The following ASXL1 variants were observed in gnomAD, a reference collection of about 807,000 sequenced individuals.
ASXL1 encodes ASXL transcriptional regulator 1.
In ASXL1, 65 loss-of-function variants were observed where a neutral mutation model predicts 89.1. The observed-to-expected ratio is 0.73, with a 90% CI of 0.60 to 0.90. The LOEUF is 0.90. ASXL1 is among the 40% of genes least tolerant of loss of function. ASXL1 has a pLI of 0.00. For synonymous variants in ASXL1, 739 were observed against 746.9 expected (o/e 0.99, Z 0.17); for missense variants, 1,786 against 1,942.9 (o/e 0.92, Z 1.52).
intron 1 of ASXL1, among the ~76,000 whole-genome samples, chr20:32,364,530 T>A (rs2122796083): frequency 6.6e-6 from 1 of 152,338 alleles, no homozygotes; most frequent in African/African-American, 2.4e-5. Context: ...ATATATTTTT[T>A]AAATTCTTTA....
chr20:32,399,747 CTTTTTTTTTTTTTTTTTT>C (rs369127811), intron 4 of ASXL1, among the ~76,000 whole-genome samples: 2 of 73,876 alleles, frequency 2.7e-5, no homozygotes, highest in African/African-American at 6.8e-5. Context: ...ATATTTTACT[CTTTTTTTTTTTTTTTTTT>C]TTTTTTTTTT....
At chr20:32,422,968 G>A (rs1291516471) in intron 4 of ASXL1, among the ~76,000 whole-genome samples, 3 of 152,040 alleles carry the variant, frequency 2.0e-5, no homozygotes, top group Admixed American at 6.5e-5. Flanking sequence ...AATTATTCTT[G>A]TAAAATGTTA....
chr20:32,434,585 CGA>C lies in ASXL1; in HGVS notation c.1875_1876del (p.Ala627GlufsTer7). ...CATTAAAGCCCGTGCTCTGCAGGTCCGAGGGGCGAGAGGTCACCACTGCCATA... is the reference window on the plus strand; with the variant it reads ...CATTAAAGCCCGTGCTCTGCAGGTCCGGGGCGAGAGGTCACCACTGCCATA... ...ADIKARALQV[R>X]GARGHHCHRE... On this transcript the variant is annotated frameshift_variant, in exon 13 of 13. Coordinates refer to ENST00000375687, the MANE Select transcript of ASXL1 (RefSeq NM_015338.6). LOFTEE classifies it low-confidence loss of function (END_TRUNC). The C allele has an allele frequency of 6.2e-7, 1 of 1,613,192 alleles. No individual in the cohort carries two copies. Among genetic ancestry groups the C allele is most frequent in the Non-Finnish European group, 8.5e-7 (1 of 1,179,948 alleles).
chr20:32,422,831 C>T (rs1040954347), intron 4 of ASXL1, among the ~76,000 whole-genome samples: 4 of 151,630 alleles, frequency 2.6e-5, no homozygotes, highest in Non-Finnish European at 5.9e-5. Flanking sequence ...GTGATCCACC[C>T]GCCTTGGCCT....
At chr20:32,430,285 C>A in intron 8 of ASXL1, 1 of 585,258 alleles carries the variant, frequency 1.7e-6, no homozygotes, top group Admixed American at 3.5e-5. Context: ...CTCGTATGTC[C>A]CTGTAGGCCT....
intron 4 of ASXL1, among the ~76,000 whole-genome samples, chr20:32,409,747 A>G (rs763987982): frequency 3.3e-5 from 5 of 152,032 alleles, no homozygotes; most frequent in African/African-American, 7.3e-5. Context: ...TGAGATCCCT[A>G]TCTTTAAAAA....
rs2048656171 is a variant in ASXL1, at chr20:32,390,718, AC to A, written c.252+21600del. Among the ~76,000 whole-genome samples the A allele has an allele frequency of 2.6e-5, 4 of 151,214 alleles. No homozygotes were observed. The South Asian group carries it at 8.4e-4, about 32-fold the overall frequency. On this transcript the variant is annotated intron_variant, in intron 4 of 12. Transcript: ENST00000375687. ...CCTTTTGTAGTCAGCTTCTTTTTTC[AC>A]CCCCAGCTCCTGGTGACCACTGATT...
At chr20:32,431,114 A>C (rs2011499054) in intron 8 of ASXL1, 1 of 712,854 alleles carries the variant, frequency 1.4e-6, no homozygotes, top group African/African-American at 1.7e-5. Flanking sequence ...GTCTGAGGAG[A>C]TGCAACCCCA....
At chr20:32,375,674 TTTTTG>T (rs1555901932) in intron 4 of ASXL1, among the ~76,000 whole-genome samples, 1 of 151,660 alleles carries the variant, frequency 6.6e-6, no homozygotes, top group African/African-American at 2.4e-5. Flanking sequence ...TAGTTTGTTT[TTTTTG>T]TTTTGTTTTG....
In ASXL1 at chr20:32,428,222, C is replaced by CTGTGGGT; in HGVS notation, c.347_348insTGTGGGT (p.Ser117ValfsTer8). 1 of 1,614,156 alleles carries CTGTGGGT rather than the reference C, an allele frequency of 6.2e-7. No homozygotes were observed. Among genetic ancestry groups the CTGTGGGT allele is most frequent in the Non-Finnish European group, 8.5e-7 (1 of 1,180,030 alleles). The stretch of plus-strand genomic sequence containing the variant: ...GTGGAGAGCTGTGGGTCTAATGAAG[C>CTGTGGGT]CAGCACTGTGAGTGGTGAAAACGAT... On this transcript the variant is annotated frameshift_variant, in exon 5 of 13. Coordinates refer to ENST00000375687, the MANE Select transcript of ASXL1 (RefSeq NM_015338.6). LOFTEE classifies it high-confidence loss of function.
Position 32,436,126 on chromosome 20 carries a change from T to A in ASXL1, c.3414T>A (p.Leu1138=), listed in dbSNP as rs2011845158. ...DSMSESPQVP[L]TKDQSHGSLR... ...TGTCAGAATCCCCACAAGTACCACTTACAAAAGACCAGAGCCATGGCTCGC... is the reference window on the plus strand; with the variant it reads ...TGTCAGAATCCCCACAAGTACCACTAACAAAAGACCAGAGCCATGGCTCGC... Residue 1138 remains leucine, a synonymous_variant, in exon 13 of 13, where the codon CTT becomes CTA. Coordinates refer to ENST00000375687, the MANE Select transcript of ASXL1 (RefSeq NM_015338.6). 6.2e-7 allele frequency: 1 copy of A among 1,614,150 alleles called. No homozygotes were observed. Among genetic ancestry groups the A allele is most frequent in the Non-Finnish European group, 8.5e-7 (1 of 1,180,022 alleles).
chr20:32,415,910 G>C (rs976931396), intron 4 of ASXL1, among the ~76,000 whole-genome samples: 3 of 151,712 alleles, frequency 2.0e-5, no homozygotes, highest in African/African-American at 7.3e-5. Context: ...TTAAACAAAA[G>C]AAAAGAAAAA....
chr20:32,400,291 A>G (rs750761815), intron 4 of ASXL1, among the ~76,000 whole-genome samples: 5 of 152,066 alleles, frequency 3.3e-5, no homozygotes, highest in Non-Finnish European at 7.4e-5. Flanking sequence ...GATTTCAGAC[A>G]TAGAGAGTTT....
Position 32,435,249 on chromosome 20 carries a change from G to A in ASXL1, c.2537G>A (p.Ser846Asn), listed in dbSNP as rs148575778. The A allele has an allele frequency of 1.1e-4, 175 of 1,614,102 alleles. 1 individual carries two copies. Among genetic ancestry groups the A allele is most frequent in the Admixed American group, 9.3e-4 (56 of 60,022 alleles). The change falls in exon 13 of 13, where the codon AGT becomes AAT. Residue 846 changes from serine (S) to asparagine (N), a missense_variant. By Grantham distance (46) the Ser-to-Asn change is conservative. Around this residue, in one of 3 missense-constraint regions of ASXL1, gnomAD observed 1,418 missense variants for 1,427.8 expected, o/e 0.99. Transcript: ENST00000375687. Reference protein sequence around the residue: ...TMKDPVNVTPSSTPESSPTDC... With the variant: ...TMKDPVNVTPNSTPESSPTDC... ...AAGGATCCTGTAAATGTGACCCCCA[G>A]TTCCACACCTGAATCCTCACCGACT...
chr20:32,398,760 C>T (rs2048815795), intron 4 of ASXL1, among the ~76,000 whole-genome samples: 1 of 151,330 alleles, frequency 6.6e-6, no homozygotes, highest in African/African-American at 2.4e-5. Context: ...CAGGCGCCCG[C>T]CACTACGCCC....
chr20:32,377,988 G>GTGTGTGTGTGTGTGTGTA (rs1480059687), intron 4 of ASXL1, among the ~76,000 whole-genome samples: 3 of 148,274 alleles, frequency 2.0e-5, no homozygotes, highest in Non-Finnish European at 1.5e-5. Context: ...GTGTGTGTGT[G>GTGTGTGTGTGTGTGTGTA]TGTGTGTGTG....
In ASXL1 at chr20:32,436,512, C is replaced by A. The variant is rs368889231; in HGVS notation, c.3800C>A (p.Thr1267Asn). 4.0e-5 allele frequency: 64 copies of A among 1,614,144 alleles called. No individual in the cohort carries two copies. Among genetic ancestry groups the A allele is most frequent in the Non-Finnish European group, 5.1e-5 (60 of 1,180,056 alleles). ...CCAGGAAAGAGCCCAGGAGATCTTA[C>A]TACCTCGAGAACACCTCGTTTCTCA... Reference protein sequence around the residue: ...AAPGKSPGDLTTSRTPRFSSP... With the variant: ...AAPGKSPGDLNTSRTPRFSSP... The change falls in exon 13 of 13, where the codon ACT becomes AAT. Residue 1267 changes from threonine to asparagine, a missense_variant. Physicochemically the swap from Thr to Asn is moderately conservative, Grantham distance 65 (BLOSUM62 0). Coordinates refer to ENST00000375687, the MANE Select transcript of ASXL1 (RefSeq NM_015338.6).
intron 4 of ASXL1, among the ~76,000 whole-genome samples, chr20:32,418,267 G>A (rs774861848): frequency 4.2e-4 from 64 of 152,210 alleles, no homozygotes; most frequent in Non-Finnish European, 6.8e-4. Flanking sequence ...AGCTACTTGA[G>A]AGGCTGAGGT....
chr20:32,392,326 A>G (rs1211248108), intron 4 of ASXL1, among the ~76,000 whole-genome samples: 7 of 140,058 alleles, frequency 5.0e-5, no homozygotes, highest in East Asian at 2.1e-4. Flanking sequence ...CTTGTTGCCC[A>G]CTCTGGAGTG....
Sources: allele counts gnomAD v4.1 joint callset (sites outside exome capture counted in the v4.1 genomes callset), GRCh38; gene constraint gnomAD v4.1.1; regional missense constraint gnomAD v4.1.1; transcripts MANE v1.5; gene names NCBI Gene and HGNC (gene_info 2026-07-23, HGNC 2026-07-21).